NKAIN2: variants seen among roughly 807,000 people sequenced by gnomAD.
The protein encoded by NKAIN2 is sodium/potassium transporting ATPase interacting 2, also known as sodium/potassium-transporting ATPase subunit beta-1-interacting protein 2.
Under a neutral mutation model 32.6 loss-of-function variants are expected in NKAIN2, and 14 were observed. The ratio of observed to expected loss-of-function variants is 0.43; its 90% confidence interval spans 0.28 to 0.67. NKAIN2 has a LOEUF of 0.67. Among genes scored for constraint, NKAIN2 ranks in the 30% least tolerant of loss-of-function variants. NKAIN2 has a pLI of 0.17. For synonymous variants in NKAIN2, 80 were observed against 87.2 expected (o/e 0.92, Z 0.46); for missense variants, 198 against 258.3 (o/e 0.77, Z 1.60).
chr6:124,436,153 C>T (rs913092552), intron 3 of NKAIN2, among the ~76,000 whole-genome samples: 1 of 152,148 alleles, frequency 6.6e-6, no homozygotes, highest in African/African-American at 2.4e-5. Context: ...ATTTGGTACA[C>T]TGATGGAAAT....
chr6:124,276,165 G>C (rs1316741776), intron 1 of NKAIN2, among the ~76,000 whole-genome samples: 5 of 151,824 alleles, frequency 3.3e-5, no homozygotes, highest in African/African-American at 1.2e-4. Context: ...TTTTGGTTTT[G>C]TTTTTTGTTT....
intron 3 of NKAIN2, among the ~76,000 whole-genome samples, chr6:124,444,755 A>C (rs540531896): frequency 1.3e-5 from 2 of 152,118 alleles, no homozygotes; most frequent in African/African-American, 4.8e-5. Flanking sequence ...AGAATTCCAA[A>C]CACAAAAATT....
chr6:123,931,754 G>A (rs1305073427), intron 1 of NKAIN2, among the ~76,000 whole-genome samples: 1 of 151,966 alleles, frequency 6.6e-6, no homozygotes, highest in Non-Finnish European at 1.5e-5. Context: ...CATTTTAAAT[G>A]TTTTTTCATT....
intron 3 of NKAIN2, among the ~76,000 whole-genome samples, chr6:124,595,125 C>T (rs1166613707): frequency 6.6e-6 from 1 of 152,208 alleles, no homozygotes; most frequent in East Asian, 1.9e-4. Flanking sequence ...CCCCAAGGCC[C>T]TACCTGAGAT....
chr6:123,955,287 A>G lies in NKAIN2; in HGVS notation c.54+151033A>G, dbSNP rs28656011. The stretch of plus-strand genomic sequence containing the variant: ...CACTATAGAACCAATTGTAGGAATT[A>G]TTGAGAACTGTTTATCATTAATGGC... On this transcript the variant is annotated intron_variant, in intron 1 of 6. Transcript: ENST00000368417. 4.3e-3 allele frequency among the ~76,000 whole-genome samples: 656 copies of G among 151,952 alleles called. 8 individuals carry two copies. The highest frequency in any genetic ancestry group is 0.013 in the African/African-American group (559 of 41,538).
intron 1 of NKAIN2, among the ~76,000 whole-genome samples, chr6:123,912,441 T>C (rs1775262165): frequency 6.6e-6 from 1 of 152,166 alleles, no homozygotes; most frequent in Admixed American, 6.6e-5. Flanking sequence ...CCAGCCTACA[T>C]TTTATATTTG....
intron 1 of NKAIN2, among the ~76,000 whole-genome samples, chr6:123,905,088 G>A (rs1218258346): frequency 6.6e-6 from 1 of 152,096 alleles, no homozygotes; most frequent in Non-Finnish European, 1.5e-5. Context: ...TGCAAAAAAA[G>A]TTGGGTTTTG....
At chr6:123,931,473 G>A (rs1291331704) in intron 1 of NKAIN2, among the ~76,000 whole-genome samples, 1 of 152,036 alleles carries the variant, frequency 6.6e-6, no homozygotes, top group African/African-American at 2.4e-5. Context: ...CTGCTTGATA[G>A]TTAACAGTGG....
Position 124,164,638 on chromosome 6 carries a change from C to T in NKAIN2, c.55-118367C>T, listed in dbSNP as rs921696032. On this transcript the variant is annotated intron_variant, in intron 1 of 6. Coordinates refer to ENST00000368417, the MANE Select transcript of NKAIN2 (RefSeq NM_001040214.3). ...ATTACGTAAGAGTAAATCTTTTTTT[C>T]TTTCAATTTATGTGCATTATTTTTT... Among the ~76,000 whole-genome samples, 3 of 151,822 alleles carry T rather than the reference C, an allele frequency of 2.0e-5. No individual in the cohort carries two copies. In the East Asian group the frequency reaches 5.8e-4, roughly 29 times the overall value.
At chr6:124,195,807 G>A (rs802282) in intron 1 of NKAIN2, among the ~76,000 whole-genome samples, 1 of 151,776 alleles carries the variant, frequency 6.6e-6, no homozygotes, top group Non-Finnish European at 1.5e-5. Context: ...TTGTTGTTGC[G>A]GTGTTTTTTA....
intron 4 of NKAIN2, among the ~76,000 whole-genome samples, chr6:124,767,159 G>T (rs940447198): frequency 2.0e-5 from 3 of 152,046 alleles, no homozygotes; most frequent in Admixed American, 2.0e-4. Flanking sequence ...CTCCCAAAGT[G>T]CTGGGATTAC....
intron 4 of NKAIN2, among the ~76,000 whole-genome samples, chr6:124,778,117 TAAAGGCAAGAAAA>T (rs1779063259): frequency 6.6e-6 from 1 of 152,136 alleles, no homozygotes; most frequent in Non-Finnish European, 1.5e-5. Context: ...ACAGCATCTT[TAAAGGCAAGAAAA>T]AAATGCAAAC....
chr6:124,685,640 A>C (rs1033295736), intron 4 of NKAIN2, among the ~76,000 whole-genome samples: 11 of 152,196 alleles, frequency 7.2e-5, no homozygotes, highest in African/African-American at 2.4e-4. Flanking sequence ...CTATCCTAAG[A>C]ACCCTTCATC....
At chr6:124,489,437 T>C (rs1354622214) in intron 3 of NKAIN2, among the ~76,000 whole-genome samples, 1 of 151,944 alleles carries the variant, frequency 6.6e-6, no homozygotes, top group East Asian at 1.9e-4. Flanking sequence ...TTGACTTACA[T>C]GGTAGTTACA....
intron 4 of NKAIN2, among the ~76,000 whole-genome samples, chr6:124,674,915 G>T (rs990977539): frequency 1.3e-5 from 2 of 151,918 alleles, no homozygotes; most frequent in Admixed American, 1.3e-4. Flanking sequence ...GCAAGAGTGG[G>T]CATCCTTGCC....
intron 3 of NKAIN2, among the ~76,000 whole-genome samples, chr6:124,630,928 T>G (rs1783540436): frequency 6.6e-6 from 1 of 152,204 alleles, no homozygotes; most frequent in Non-Finnish European, 1.5e-5. Flanking sequence ...TTAGTTCTTT[T>G]GTGACTGAAT....
At chr6:123,872,554 G>A (rs1163356338) in intron 1 of NKAIN2, among the ~76,000 whole-genome samples, 1 of 152,182 alleles carries the variant, frequency 6.6e-6, no homozygotes, top group African/African-American at 2.4e-5. Context: ...GATGATGGTT[G>A]AGGAATTTGA....
intron 5 of NKAIN2, among the ~76,000 whole-genome samples, chr6:124,813,187 A>T (rs181738843): frequency 3.9e-5 from 6 of 152,124 alleles, no homozygotes; most frequent in African/African-American, 9.7e-5. Flanking sequence ...TTAAAGATAC[A>T]TTACAAAAAA....
intron 2 of NKAIN2, among the ~76,000 whole-genome samples, chr6:124,300,823 G>C (rs973347856): frequency 6.6e-6 from 1 of 152,022 alleles, no homozygotes; most frequent in African/African-American, 2.4e-5. Context: ...GATGATTTAG[G>C]GTATCTGGCA....
Sources: allele counts gnomAD v4.1 joint callset (sites outside exome capture counted in the v4.1 genomes callset), GRCh38; gene constraint gnomAD v4.1.1; transcripts MANE v1.5; gene names NCBI Gene and HGNC (gene_info 2026-07-23, HGNC 2026-07-21).